HNRNPA1: variants seen among roughly 807,000 people sequenced by gnomAD.
HNRNPA1 encodes epididymis secretory sperm binding protein.
A neutral mutation model predicts 44.4 loss-of-function variants in HNRNPA1; 7 were observed. That is an observed-to-expected ratio of 0.16 (90% CI 0.09 to 0.30). The LOEUF is 0.30. Among genes scored for constraint, HNRNPA1 ranks in the 10% least tolerant of loss-of-function variants. The pLI is 1.00. For synonymous variants in HNRNPA1, 169 were observed against 160.6 expected (o/e 1.05, Z -0.40); for missense variants, 193 against 465.8 (o/e 0.41, Z 5.39).
intron 8 of HNRNPA1, 149 bp from the exon 9 acceptor site, chr12:54,283,663 C>T: frequency 1.3e-6 from 1 of 775,300 alleles, no homozygotes; most frequent in Non-Finnish European, 2.2e-6. Flanking sequence ...ATGCCTTTCC[C>T]AGAGAATGAA....
Position 54,283,064 on chromosome 12 carries a change from A to G in HNRNPA1, c.752-15A>G, listed in dbSNP as rs778510839. ...AAATACTTTTGTCTTATTGAGAAGAATTGTATTCTTGTAGGTGGTTATGGA... is the reference window on the plus strand; with the variant it reads ...AAATACTTTTGTCTTATTGAGAAGAGTTGTATTCTTGTAGGTGGTTATGGA... On this transcript the variant is annotated splice_polypyrimidine_tract_variant and intron_variant, in intron 7 of 10. Coordinates refer to ENST00000340913, the MANE Select transcript of HNRNPA1 (RefSeq NM_031157.4). 4.3e-6 allele frequency: 7 copies of G among 1,611,664 alleles called. No homozygotes were observed. The East Asian group carries it at 1.6e-4, about 36-fold the overall frequency.
At chr12:54,283,492 C>T (rs1199679693) in intron 8 of HNRNPA1, among the ~76,000 whole-genome samples, 2 of 152,100 alleles carry the variant, frequency 1.3e-5, no homozygotes, top group Admixed American at 6.6e-5. Context: ...GGACCTTAGG[C>T]GCTTAGTTGA....
chr12:54,280,849 A>G, intron 1 of HNRNPA1, 27 bp downstream of exon 1: 1 of 1,613,482 alleles, frequency 6.2e-7, no homozygotes. Context: ...TTCCCACTTG[A>G]ATTTTTTCCT....
Position 54,285,123 on chromosome 12 carries a change from A to T in HNRNPA1, c.*579A>T, listed in dbSNP as rs1377391142. ...AAATCATGGAATGGTTATAAAAGTG[A>T]TTGTTGGCACATCCTATGCAATATA... On this transcript the variant is annotated 3_prime_UTR_variant, in exon 11 of 11. Coordinates refer to ENST00000340913, the MANE Select transcript of HNRNPA1 (RefSeq NM_031157.4). 1 of 157,674 alleles carries T rather than the reference A, an allele frequency of 6.3e-6. No homozygotes were observed. Among genetic ancestry groups the T allele is most frequent in the African/African-American group, 2.4e-5 (1 of 41,472 alleles). The allele number at this position is 157,674 out of a possible 1,614,324, so 9.8% of individuals were successfully genotyped here.
chr12:54,283,393 C>T (rs1294808923), intron 8 of HNRNPA1, among the ~76,000 whole-genome samples, 159 bp downstream of exon 8: 1 of 152,130 alleles, frequency 6.6e-6, no homozygotes, highest in Non-Finnish European at 1.5e-5. Flanking sequence ...GCTGGGGCCG[C>T]CTCACTCCCA....
rs1031398073 is a variant in HNRNPA1, at chr12:54,280,981, C to G, written c.15+159C>G. 111 of 806,602 alleles carry G rather than the reference C, an allele frequency of 1.4e-4. 1 individual carries two copies. The highest frequency in any genetic ancestry group is 4.7e-4 in the Admixed American group (24 of 50,840). 50.0% of individuals were successfully genotyped at this position (806,602 alleles called of 1,614,324 possible). ...AAAGTTCAAGTCGCCATTTTGTCCTCTTGATCGCCATGAGGCCGCTCTCCG... is the reference window on the plus strand; with the variant it reads ...AAAGTTCAAGTCGCCATTTTGTCCTGTTGATCGCCATGAGGCCGCTCTCCG... On this transcript the variant is annotated intron_variant, in intron 1 of 10. Transcript: ENST00000340913.
At chr12:54,281,141 C>G (rs1017523875) in intron 1 of HNRNPA1, 1 of 699,726 alleles carries the variant, frequency 1.4e-6, no homozygotes, top group African/African-American at 1.7e-5. Flanking sequence ...TGGAGATGCA[C>G]CCCTACCGCC....
chr12:54,283,660 T>G (rs919529113), intron 8 of HNRNPA1, 152 bp from the exon 9 acceptor site: 11 of 760,480 alleles, frequency 1.4e-5, no homozygotes, highest in Non-Finnish European at 2.5e-5. Flanking sequence ...TGAATGCCTT[T>G]CCCAGAGAAT....
chr12:54,281,585 A>G, intron 2 of HNRNPA1, 83 bp downstream of exon 2: 2 of 1,050,970 alleles, frequency 1.9e-6, no homozygotes, highest in East Asian at 2.4e-5. Context: ...TGCTTATGAA[A>G]GTAGTTAATA....
chr12:54,283,602 G>C (rs1273749370), intron 8 of HNRNPA1: 2 of 614,452 alleles, frequency 3.3e-6, no homozygotes, highest in South Asian at 4.0e-5. Context: ...TTTATTTTAT[G>C]TCATGGTGAG....
At position 54,286,339 on chromosome 12, in the gene HNRNPA1, G is replaced by C. The variant is rs139179873; in HGVS notation, c.*1795G>C. On this transcript the variant is annotated 3_prime_UTR_variant, in exon 11 of 11. Transcript: ENST00000340913. ...ATAGTTACTTAAAGTCCAGTTTTCT[G>C]TTAAACATTTTTCTTAATATATTGA... 1 of 152,242 alleles carries C rather than the reference G, an allele frequency of 6.6e-6. No individual in the cohort carries two copies. Among genetic ancestry groups the C allele is most frequent in the African/African-American group, 2.4e-5 (1 of 41,526 alleles). 9.4% of individuals were successfully genotyped at this position (152,242 alleles called of 1,614,324 possible).
At position 54,281,949 on chromosome 12, in the gene HNRNPA1, G is replaced by C. The variant is rs549215393; in HGVS notation, c.279+8G>C. The stretch of plus-strand genomic sequence containing the variant: ...AGAGCTGTCTCCAGAGAAGTGAGTG[G>C]GTTTTTTTTCTTCTTCTTCTTAAAC... On this transcript the variant is annotated splice_region_variant and intron_variant, in intron 3 of 10. Coordinates refer to ENST00000340913, the MANE Select transcript of HNRNPA1 (RefSeq NM_031157.4). 132 of 1,612,414 alleles carry C rather than the reference G, an allele frequency of 8.2e-5. 1 individual carries two copies. The South Asian group carries it at 1.3e-3, about 16-fold the overall frequency.
At chr12:54,284,228 A>G (rs1229430769) in intron 9 of HNRNPA1, 30 bp from the exon 10 acceptor site, 1 of 1,608,146 alleles carries the variant, frequency 6.2e-7, no homozygotes, top group African/African-American at 1.3e-5. Context: ...TGGCACTTTG[A>G]AACTTTAAAA....
Position 54,282,843 on chromosome 12 carries a change from T to C in HNRNPA1, c.720T>C (p.Ser240=), listed in dbSNP as rs1217577331. 2 of 1,551,364 alleles carry C rather than the reference T, an allele frequency of 1.3e-6. No individual in the cohort carries two copies. Among genetic ancestry groups the C allele is most frequent in the Middle Eastern group, 1.7e-4 (1 of 5,930 alleles). ...GSRGGGGYGG[S]GDGYNGFGND... Reference sequence around the variant, plus strand: ...GTGGTGGTGGTGGATATGGTGGCAGTGGGGATGGCTATAATGGATTTGGTA... The same window carrying C: ...GTGGTGGTGGTGGATATGGTGGCAGCGGGGATGGCTATAATGGATTTGGTA... The change falls in exon 7 of 11, where the codon AGT becomes AGC. Residue 240 remains serine (S), a synonymous_variant. Transcript: ENST00000340913.
At chr12:54,280,893 T>A in intron 1 of HNRNPA1, 71 bp downstream of exon 1, 1 of 1,541,334 alleles carries the variant, frequency 6.5e-7, no homozygotes, top group Admixed American at 1.7e-5. Flanking sequence ...TGCTGCTGGG[T>A]TTCGTTCCTT....
rs371472630 is a variant in HNRNPA1, at chr12:54,281,514, A to C, written c.132+12A>C. 1.9e-6 allele frequency: 3 copies of C among 1,574,878 alleles called. No individual in the cohort carries two copies. The highest frequency in any genetic ancestry group is 2.2e-5 in the South Asian group (2 of 90,202). Reference sequence around the variant, plus strand: ...TCACGGACTGTGTGGTAAGATTTGGAAGGGACAAAGCAGTAAAACAGCCGA... The same window carrying C: ...TCACGGACTGTGTGGTAAGATTTGGCAGGGACAAAGCAGTAAAACAGCCGA... On this transcript the variant is annotated intron_variant, in intron 2 of 10. Coordinates refer to ENST00000340913, the MANE Select transcript of HNRNPA1 (RefSeq NM_031157.4).
chr12:54,280,775 A>G lies in HNRNPA1; in HGVS notation c.-33A>G. 6.2e-7 allele frequency: 1 copy of G among 1,614,054 alleles called. No individual in the cohort carries two copies. The highest frequency in any genetic ancestry group is 8.5e-7 in the Non-Finnish European group (1 of 1,179,916). On this transcript the variant is annotated 5_prime_UTR_variant, in exon 1 of 11. Transcript: ENST00000340913. The stretch of plus-strand genomic sequence containing the variant: ...TTCTGCCCGTGGACGCCGCCGAAGA[A>G]GCATCGTTAAAGTCTCTCTTCACCC...
chr12:54,281,485 AC>A lies in HNRNPA1; in HGVS notation c.116del (p.Thr39SerfsTer7). ...SLRSHFEQWG[T>X]LTDCVVMRDP... Reference sequence around the variant, plus strand: ...GAGGAGCCATTTTGAGCAATGGGGAACGCTCACGGACTGTGTGGTAAGATTT... The same window carrying A: ...GAGGAGCCATTTTGAGCAATGGGGAAGCTCACGGACTGTGTGGTAAGATTT... On this transcript the variant is annotated frameshift_variant, in exon 2 of 11. Transcript: ENST00000340913. LOFTEE classifies it high-confidence loss of function. 1 of 1,607,794 alleles carries A rather than the reference AC, an allele frequency of 6.2e-7. No homozygotes were observed. The highest frequency in any genetic ancestry group is 8.5e-7 in the Non-Finnish European group (1 of 1,175,468).
chr12:54,280,755 C>A lies in HNRNPA1; in HGVS notation c.-53C>A, dbSNP rs200327568. 1.3e-4 allele frequency: 204 copies of A among 1,610,608 alleles called. No homozygotes were observed. The highest frequency in any genetic ancestry group is 1.7e-4 in the Non-Finnish European group (195 of 1,176,990). The stretch of plus-strand genomic sequence containing the variant: ...ACGTTCGTCAGCTTGCTCCTTTCTG[C>A]CCGTGGACGCCGCCGAAGAAGCATC... On this transcript the variant is annotated 5_prime_UTR_variant, in exon 1 of 11. Coordinates refer to ENST00000340913, the MANE Select transcript of HNRNPA1 (RefSeq NM_031157.4).
Sources: allele counts gnomAD v4.1 joint callset (sites outside exome capture counted in the v4.1 genomes callset), GRCh38; gene constraint gnomAD v4.1.1; transcripts MANE v1.5; gene names NCBI Gene and HGNC (gene_info 2026-07-23, HGNC 2026-07-21).